SPIN1: variants seen among roughly 807,000 people sequenced by gnomAD.
SPIN1 encodes spindlin 1.
In SPIN1, 3 loss-of-function variants were observed where a neutral mutation model predicts 26.0. The observed-to-expected ratio is 0.12, with a 90% CI of 0.05 to 0.30. The LOEUF is 0.30. Among genes scored for constraint, SPIN1 ranks in the 10% least tolerant of loss-of-function variants. The pLI is 1.00. For synonymous variants in SPIN1, 101 were observed against 116.5 expected (o/e 0.87, Z 0.86); for missense variants, 126 against 333.4 (o/e 0.38, Z 4.84).
At chr9:88,398,878 T>C (rs565787779) in intron 1 of SPIN1, among the ~76,000 whole-genome samples, 1 of 151,012 alleles carries the variant, frequency 6.6e-6, no homozygotes, top group Admixed American at 6.6e-5. Flanking sequence ...TGTTGACTTT[T>C]AATTGTAATA....
At chr9:88,405,270 C>T (rs1827271806) in intron 1 of SPIN1, among the ~76,000 whole-genome samples, 1 of 151,978 alleles carries the variant, frequency 6.6e-6, no homozygotes, top group South Asian at 2.1e-4. Context: ...GCTCTGTCTC[C>T]CAGGCTGGAG....
chr9:88,464,742 C>CT lies in SPIN1; in HGVS notation c.355+2002dup, dbSNP rs148448848. On this transcript the variant is annotated intron_variant, in intron 4 of 5. Transcript: ENST00000375859. ...GCTATTCAAAGTGCAAGACTAACTACTTTTTTTTTAATTGTAAAAAAACAT... is the reference window on the plus strand; with the variant it reads ...GCTATTCAAAGTGCAAGACTAACTACTTTTTTTTTTAATTGTAAAAAAACAT... Among the ~76,000 whole-genome samples the CT allele has an allele frequency of 7.8e-3, 1,176 of 151,518 alleles. 19 individuals carry two copies. Among genetic ancestry groups the CT allele is most frequent in the African/African-American group, 0.027 (1,123 of 41,342 alleles).
intron 4 of SPIN1, among the ~76,000 whole-genome samples, chr9:88,465,650 T>C (rs1408224902): frequency 6.6e-6 from 1 of 152,210 alleles, no homozygotes; most frequent in Non-Finnish European, 1.5e-5. Context: ...GTTATTTTGA[T>C]TTTTGTTGAG....
At chr9:88,469,205 A>G (rs79428944) in intron 5 of SPIN1, among the ~76,000 whole-genome samples, 2,052 of 152,236 alleles carry the variant, frequency 0.013, 21 homozygotes, top group Non-Finnish European at 0.022. Flanking sequence ...AGTTCACAAT[A>G]AGGTTTGTGC....
Position 88,411,233 on chromosome 9 carries a change from T to C in SPIN1, c.-158-15149T>C, listed in dbSNP as rs116181378. ...TTCCACAAGTCTTCTGTTCACCTTG[T>C]GTGGCCTTGCATTCATGGCTGCATC... On this transcript the variant is annotated intron_variant, in intron 1 of 5. Transcript: ENST00000375859. 4.5e-4 allele frequency: 517 copies of C among 1,159,386 alleles called. 1 individual carries two copies. The African/African-American group carries it at 7.1e-3, about 16-fold the overall frequency. 71.8% of individuals were successfully genotyped at this position (1,159,386 alleles called of 1,614,324 possible).
At chr9:88,408,035 G>A (rs574446884) in intron 1 of SPIN1, among the ~76,000 whole-genome samples, 1 of 152,010 alleles carries the variant, frequency 6.6e-6, no homozygotes, top group African/African-American at 2.4e-5. Flanking sequence ...TCAAAGTGCT[G>A]GGATTACAGG....
chr9:88,393,375 T>G (rs760680974), intron 1 of SPIN1, among the ~76,000 whole-genome samples: 1 of 151,586 alleles, frequency 6.6e-6, no homozygotes, highest in Non-Finnish European at 1.5e-5. Flanking sequence ...TATCATATAT[T>G]TGAATTACTG....
intron 5 of SPIN1, among the ~76,000 whole-genome samples, chr9:88,473,664 C>CTGTGTGTGTGT (rs1828835693): frequency 9.5e-6 from 1 of 105,464 alleles, no homozygotes; most frequent in African/African-American, 6.4e-5. Flanking sequence ...TGTGTGTGCA[C>CTGTGTGTGTGT]GCGCTATGGA....
chr9:88,402,290 G>A (rs538729128), intron 1 of SPIN1, among the ~76,000 whole-genome samples: 4 of 152,110 alleles, frequency 2.6e-5, no homozygotes, highest in Non-Finnish European at 4.4e-5. Context: ...ACTGCGCCTC[G>A]TTGAGTATTT....
chr9:88,450,225 AC>A (rs1221998607), intron 3 of SPIN1, among the ~76,000 whole-genome samples: 3 of 152,164 alleles, frequency 2.0e-5, no homozygotes, highest in African/African-American at 7.2e-5. Flanking sequence ...CACAAATAAA[AC>A]ATAACAATAA....
intron 4 of SPIN1, among the ~76,000 whole-genome samples, chr9:88,465,738 T>TCTGCATTGTAACTAAC (rs1246074920): frequency 6.6e-6 from 1 of 152,244 alleles, no homozygotes; most frequent in Non-Finnish European, 1.5e-5. Context: ...GGTTTCAGAT[T>TCTGCATTGTAACTAAC]CTGCATTGTA....
intron 2 of SPIN1, among the ~76,000 whole-genome samples, chr9:88,437,113 A>ACCAGTTGG (rs1468281489): frequency 4.6e-5 from 7 of 152,000 alleles, no homozygotes; most frequent in African/African-American, 1.7e-4. Flanking sequence ...TTTATCACCA[A>ACCAGTTGG]ATAATCTACT....
rs1414371293 is a variant in SPIN1 at position 88,476,354 on chromosome 9, T to TA, written c.*1080dup. On this transcript the variant is annotated 3_prime_UTR_variant, in exon 6 of 6. Transcript: ENST00000375859. ...CTTCTAACAAGCTCTCTGGGACTTT[T>TA]AAAGTTTTATTACTATTATTGCTAA... 6.6e-6 allele frequency: 1 copy of TA among 152,228 alleles called. No homozygotes were observed. The highest frequency in any genetic ancestry group is 1.5e-5 in the Non-Finnish European group (1 of 68,040). 9.4% of individuals were successfully genotyped at this position (152,228 alleles called of 1,614,324 possible).
chr9:88,408,476 T>C (rs149009049), intron 1 of SPIN1, among the ~76,000 whole-genome samples: 2,863 of 150,360 alleles, frequency 0.019, 70 homozygotes, highest in African/African-American at 0.063. Flanking sequence ...CTCCTGGGTT[T>C]AAGCAGTTCT....
At chr9:88,453,459 A>G (rs1489140036) in intron 3 of SPIN1, among the ~76,000 whole-genome samples, 1 of 151,956 alleles carries the variant, frequency 6.6e-6, no homozygotes, top group African/African-American at 2.4e-5. Context: ...GGGGAATCTC[A>G]TTAGAGGATC....
intron 4 of SPIN1, among the ~76,000 whole-genome samples, chr9:88,463,902 A>G (rs1828614635): frequency 6.6e-6 from 1 of 152,144 alleles, no homozygotes; most frequent in Admixed American, 6.6e-5. Context: ...CATTTCCCAT[A>G]TAAGAAACTT....
intron 2 of SPIN1, among the ~76,000 whole-genome samples, chr9:88,436,180 C>CT (rs1156555066): frequency 6.6e-6 from 1 of 152,170 alleles, no homozygotes; most frequent in East Asian, 1.9e-4. Flanking sequence ...AGTGATCCTC[C>CT]TGCCTCAGCC....
intron 1 of SPIN1, among the ~76,000 whole-genome samples, chr9:88,398,897 A>G (rs987416548): frequency 2.0e-5 from 3 of 150,710 alleles, no homozygotes; most frequent in Non-Finnish European, 4.4e-5. Flanking sequence ...TATTTTTTTC[A>G]GGATCACATA....
At chr9:88,415,735 A>G (rs1239478821) in intron 1 of SPIN1, 1 of 151,994 alleles carries the variant, frequency 6.6e-6, no homozygotes. Flanking sequence ...AACATTTTAA[A>G]TAAGAATATG....
Sources: gnomAD v4.1 joint callset for allele counts (sites outside exome capture counted in the v4.1 genomes callset) on GRCh38, gnomAD v4.1.1 for gene constraint, MANE v1.5 for transcripts, NCBI Gene and HGNC (gene_info 2026-07-23, HGNC 2026-07-21) for gene names.